LUZP2: variants seen among roughly 807,000 people sequenced by gnomAD.
LUZP2 encodes leucine zipper protein 2.
A neutral mutation model predicts 51.6 loss-of-function variants in LUZP2; 52 were observed. The observed-to-expected ratio is 1.01, with a 90% confidence interval of 0.81 to 1.27. The LOEUF is 1.27. Among genes scored for constraint, LUZP2 ranks in the 50% most tolerant of loss-of-function variants. The pLI, the probability that LUZP2 is intolerant of heterozygous loss-of-function variation, is 0.00. For missense variants in LUZP2, 436 were observed against 395.4 expected, an observed-to-expected ratio of 1.10 and a Z score of -0.87; for synonymous variants, 154 against 137.3, an observed-to-expected ratio of 1.12 and a Z score of -0.85.
intron 5 of LUZP2, among the ~76,000 whole-genome samples, chr11:24,802,170 A>T (rs1849716258): frequency 2.0e-5 from 3 of 152,006 alleles, no homozygotes; most frequent in Non-Finnish European, 4.4e-5. Flanking sequence ...GACTCATACA[A>T]TATGCAGTCT....
rs146703865 is a variant in LUZP2, at chr11:24,801,118, C to A, written c.396+37810C>A. ...TTTAAAACAATTTTCTCTAAGGGTT[C>A]AAGTATCATAAGGGAATGTGGATCC... On this transcript the variant is annotated intron_variant, in intron 5 of 11. Coordinates refer to ENST00000336930, the MANE Select transcript of LUZP2 (RefSeq NM_001009909.4). Among the ~76,000 whole-genome samples, 66 of 152,196 alleles carry A rather than the reference C, an allele frequency of 4.3e-4. No homozygotes were observed. The East Asian group carries it at 0.011, about 25-fold the overall frequency.
chr11:25,040,343 A>ATTTTTTTTTTTTTTTTTTTTTTTT lies in LUZP2; in HGVS notation c.766-9675_766-9674insTTTTTTTTTTTTTTTTTTTTTTTT, dbSNP rs57668112. On this transcript the variant is annotated intron_variant, in intron 9 of 11. Transcript: ENST00000336930. The stretch of plus-strand genomic sequence containing the variant: ...AGAGAGCCACTTTTCTTTCTTTCCG[A>ATTTTTTTTTTTTTTTTTTTTTTTT]TTTTTTTTTTTTTTTTTTTTGCCAA... Among the ~76,000 whole-genome samples, 26 of 98,822 alleles carry ATTTTTTTTTTTTTTTTTTTTTTTT rather than the reference A, an allele frequency of 2.6e-4. 10 individuals are homozygous for ATTTTTTTTTTTTTTTTTTTTTTTT. Among genetic ancestry groups the ATTTTTTTTTTTTTTTTTTTTTTTT allele is most frequent in the African/African-American group, 1.3e-3 (23 of 17,196 alleles). 64.8% of individuals were successfully genotyped at this position (98,822 alleles called of 152,430 possible). A position where few individuals can be genotyped will look rare whatever the true frequency, so the allele number is the denominator to read the frequency against.
chr11:24,514,164 T>C (rs1304255250), intron 1 of LUZP2, among the ~76,000 whole-genome samples: 1 of 152,192 alleles, frequency 6.6e-6, no homozygotes, highest in East Asian at 1.9e-4. Context: ...GAGTCTTGAT[T>C]GGTGGGAGAG....
chr11:25,055,032 G>A (rs1590881623), intron 10 of LUZP2, among the ~76,000 whole-genome samples: 2 of 138,418 alleles, frequency 1.4e-5, no homozygotes, highest in Admixed American at 1.5e-4. Flanking sequence ...TTTTTTTCGA[G>A]GCGGAGTCTC....
intron 1 of LUZP2, among the ~76,000 whole-genome samples, chr11:24,590,642 T>C (rs1853226925): frequency 6.6e-6 from 1 of 152,198 alleles, no homozygotes; most frequent in Non-Finnish European, 1.5e-5. Context: ...TCCATGGTGT[T>C]AAAAAATTAA....
intron 7 of LUZP2, among the ~76,000 whole-genome samples, chr11:24,929,778 CTT>C (rs548770997): frequency 3.9e-5 from 6 of 152,106 alleles, no homozygotes; most frequent in Non-Finnish European, 8.8e-5. Context: ...TATTTGTTGA[CTT>C]TCTCTCCTGA....
chr11:24,539,097 A>G (rs191557534), intron 1 of LUZP2, among the ~76,000 whole-genome samples: 1 of 151,740 alleles, frequency 6.6e-6, no homozygotes, highest in Non-Finnish European at 1.5e-5. Context: ...TTCACTTTTT[A>G]TGTCATATGT....
intron 7 of LUZP2, among the ~76,000 whole-genome samples, chr11:24,929,196 T>G (rs1353389551): frequency 1.3e-5 from 2 of 152,014 alleles, no homozygotes; most frequent in Non-Finnish European, 2.9e-5. Flanking sequence ...TTATCTTTTG[T>G]ATTGTTTGTT....
intron 1 of LUZP2, among the ~76,000 whole-genome samples, chr11:24,694,529 T>G (rs563829092): frequency 1.3e-5 from 2 of 152,240 alleles, no homozygotes; most frequent in South Asian, 4.1e-4. Context: ...CTCAAGGATC[T>G]AGAACCAGAA....
chr11:25,077,202 C>T, intron 10 of LUZP2, 127 bp from the exon 11 acceptor site: 1 of 734,270 alleles, frequency 1.4e-6, no homozygotes, highest in South Asian at 1.4e-5. Context: ...CTAGCTTTTG[C>T]CCTTTCAGTA....
Position 24,987,954 on chromosome 11 carries a change from T to C in LUZP2, c.765+4661T>C, listed in dbSNP as rs181320511. 4.6e-5 allele frequency among the ~76,000 whole-genome samples: 7 copies of C among 152,078 alleles called. No homozygotes were observed. In the South Asian group the frequency reaches 1.0e-3, roughly 23 times the overall value. On this transcript the variant is annotated intron_variant, in intron 9 of 11. Transcript: ENST00000336930. ...ATTCTGATACAATTTAGCAGGAGTT[T>C]AGGCTAGTTTTGGAGGTTATTCAAA...
chr11:24,908,882 A>G (rs1853542628), intron 6 of LUZP2, among the ~76,000 whole-genome samples: 1 of 150,904 alleles, frequency 6.6e-6, no homozygotes, highest in East Asian at 2.0e-4. Context: ...CAGCCTCCTG[A>G]GTAGCTGGGA....
intron 1 of LUZP2, among the ~76,000 whole-genome samples, chr11:24,724,071 A>G (rs1263972808): frequency 6.6e-6 from 1 of 152,122 alleles, no homozygotes; most frequent in Admixed American, 6.6e-5. Flanking sequence ...GTCAAAGAAA[A>G]GCTTCTAAGG....
At chr11:25,021,469 ATGAG>A (rs755440679) in intron 9 of LUZP2, among the ~76,000 whole-genome samples, 1 of 151,376 alleles carries the variant, frequency 6.6e-6, no homozygotes, top group Non-Finnish European at 1.5e-5. Flanking sequence ...GTGAGAAAGA[ATGAG>A]AGGGAGGAGA....
At chr11:25,059,218 A>C (rs939536878) in intron 10 of LUZP2, among the ~76,000 whole-genome samples, 1 of 152,192 alleles carries the variant, frequency 6.6e-6, no homozygotes, top group Non-Finnish European at 1.5e-5. Context: ...AGTGAAGTAT[A>C]AAGAAGCGTT....
At chr11:24,524,389 G>A (rs1850730636) in intron 1 of LUZP2, among the ~76,000 whole-genome samples, 1 of 151,614 alleles carries the variant, frequency 6.6e-6, no homozygotes, top group Non-Finnish European at 1.5e-5. Flanking sequence ...CTGACTACAA[G>A]AGCTTTCGTT....
At chr11:24,857,563 CT>C (rs200241186) in intron 5 of LUZP2, among the ~76,000 whole-genome samples, 23,236 of 145,758 alleles carry the variant, frequency 0.16, 1,955 homozygotes, top group African/African-American at 0.22. Context: ...CAAAATAGGT[CT>C]TTTTTTTTTT....
At chr11:24,745,067 A>C (rs190265641) in intron 4 of LUZP2, among the ~76,000 whole-genome samples, 2 of 152,050 alleles carry the variant, frequency 1.3e-5, no homozygotes, top group Non-Finnish European at 2.9e-5. Context: ...CTGTGGTCTG[A>C]GAGAGTGTTT....
intron 5 of LUZP2, among the ~76,000 whole-genome samples, chr11:24,820,878 T>C (rs1436165083): frequency 1.3e-5 from 2 of 152,134 alleles, no homozygotes; most frequent in East Asian, 3.9e-4. Flanking sequence ...GTCTATTCTA[T>C]GATAGAGAGA....
Sources: allele counts gnomAD v4.1 joint callset (sites outside exome capture counted in the v4.1 genomes callset), GRCh38; gene constraint gnomAD v4.1.1; transcripts MANE v1.5; gene names NCBI Gene and HGNC (gene_info 2026-07-23, HGNC 2026-07-21).